SLC4A4: variants seen among roughly 807,000 people sequenced by gnomAD.
SLC4A4 encodes the protein solute carrier family 4 member 4.
SLC4A4 carries 27 observed loss-of-function variants against 111.5 expected under a neutral mutation model. The ratio of observed to expected loss-of-function variants is 0.24; its 90% confidence interval spans 0.18 to 0.33. SLC4A4 has a LOEUF of 0.33. Ranked by LOEUF, SLC4A4 falls within the 10% of genes least tolerant of loss-of-function variation. The pLI is 1.00. For synonymous variants in SLC4A4, 443 were observed against 463.4 expected, an observed-to-expected ratio of 0.96 and a Z score of 0.57; for missense variants, 909 against 1,315.5, an observed-to-expected ratio of 0.69 and a Z score of 4.78.
At chr4:71,225,429 C>A (rs1001516455) in intron 1 of SLC4A4, among the ~76,000 whole-genome samples, 4 of 152,000 alleles carry the variant, frequency 2.6e-5, no homozygotes, top group Non-Finnish European at 4.4e-5. Flanking sequence ...TTAGCTAGAA[C>A]CTTCAGTTCT....
intron 14 of SLC4A4, among the ~76,000 whole-genome samples, chr4:71,475,268 C>T (rs552039363): frequency 8.4e-4 from 128 of 151,838 alleles, no homozygotes; most frequent in African/African-American, 2.9e-3. Flanking sequence ...CTACCTGAGG[C>T]GAATGGAAAC....
chr4:71,274,179 T>G (rs1196331561), intron 3 of SLC4A4, among the ~76,000 whole-genome samples: 1 of 152,186 alleles, frequency 6.6e-6, no homozygotes, highest in African/African-American at 2.4e-5. Context: ...TAAAATGTCA[T>G]TAAGAGAATC....
chr4:71,500,670 T>A (rs189435337), intron 16 of SLC4A4, among the ~76,000 whole-genome samples: 83 of 152,298 alleles, frequency 5.4e-4, no homozygotes, highest in African/African-American at 2.0e-3. Context: ...GAGGGTCTAA[T>A]TTCATTATTC....
intron 3 of SLC4A4, among the ~76,000 whole-genome samples, chr4:71,272,818 G>T (rs181171870): frequency 6.6e-6 from 1 of 152,220 alleles, no homozygotes; most frequent in Non-Finnish European, 1.5e-5. Context: ...TGGGGTCTCT[G>T]AGGAACCTAC....
chr4:71,145,062 C>T (rs1193514124), intron 2 of SLC4A4, among the ~76,000 whole-genome samples: 1 of 152,138 alleles, frequency 6.6e-6, no homozygotes, highest in African/African-American at 2.4e-5. Flanking sequence ...TTTGTCCATT[C>T]AGTATGATAT....
At chr4:71,099,128 C>A (rs1211281421) in intron 2 of SLC4A4, among the ~76,000 whole-genome samples, 3 of 152,122 alleles carry the variant, frequency 2.0e-5, no homozygotes, top group Non-Finnish European at 2.9e-5. Flanking sequence ...CTCTACAGAA[C>A]TCTCCACCCC....
chr4:71,529,505 G>C (rs982992369), intron 16 of SLC4A4, among the ~76,000 whole-genome samples: 22 of 152,042 alleles, frequency 1.4e-4, no homozygotes, highest in African/African-American at 5.3e-4. Context: ...CAGTGATGAG[G>C]TTCAGTTTGC....
intron 1 of SLC4A4, among the ~76,000 whole-genome samples, chr4:71,067,466 G>A (rs1040151928): frequency 6.6e-6 from 1 of 152,054 alleles, no homozygotes; most frequent in African/African-American, 2.4e-5. Context: ...ATTTTGTTCT[G>A]CACTGTGCTG....
intron 1 of SLC4A4, among the ~76,000 whole-genome samples, chr4:71,227,593 G>A (rs556854369): frequency 2.6e-5 from 4 of 152,152 alleles, no homozygotes; most frequent in Non-Finnish European, 4.4e-5. Flanking sequence ...GTCCTGTGGG[G>A]TATCATCCCT....
At chr4:71,299,677 G>A (rs1200704585) in intron 3 of SLC4A4, among the ~76,000 whole-genome samples, 1 of 152,222 alleles carries the variant, frequency 6.6e-6, no homozygotes, top group East Asian at 1.9e-4. Context: ...TTGTGGAGAG[G>A]GCAGGGGGCA....
intron 2 of SLC4A4, among the ~76,000 whole-genome samples, chr4:71,169,374 A>G (rs1425267735): frequency 2.6e-5 from 4 of 151,932 alleles, no homozygotes; most frequent in African/African-American, 7.3e-5. Context: ...ATACTAATTT[A>G]TATTACATAA....
Position 71,085,491 on chromosome 4 carries a change from A to C in SLC4A4, c.-64-7239A>C, listed in dbSNP as rs369152958. On this transcript the variant is annotated intron_variant, in intron 1 of 26. Coordinates refer to the SLC4A4 transcript ENST00000649996. ...ATGAAGTCCTTGCCCATGCCTATGT[A>C]CTGAATGGTATTGCCTAGGTTTTCT... is the stretch of plus-strand genomic sequence containing the variant. Among the ~76,000 whole-genome samples, 144 of 152,038 alleles carry C rather than the reference A, an allele frequency of 9.5e-4. 3 individuals are homozygous for C. Among genetic ancestry groups the C allele is most frequent in the African/African-American group, 3.0e-3 (124 of 41,354 alleles).
chr4:71,156,172 C>T (rs560612464), intron 2 of SLC4A4, among the ~76,000 whole-genome samples: 5 of 152,266 alleles, frequency 3.3e-5, no homozygotes, highest in Middle Eastern at 3.4e-3. Flanking sequence ...CACAGGGTGC[C>T]GCCAAGGAGG....
At chr4:71,531,752 C>A (rs914784956) in intron 16 of SLC4A4, among the ~76,000 whole-genome samples, 1 of 84,484 alleles carries the variant, frequency 1.2e-5, no homozygotes, top group Non-Finnish European at 2.3e-5. Flanking sequence ...GCCCTCCCTG[C>A]CTACACACAC....
At chr4:71,294,774 T>G (rs1264751223) in intron 3 of SLC4A4, among the ~76,000 whole-genome samples, 2 of 152,266 alleles carry the variant, frequency 1.3e-5, no homozygotes, top group East Asian at 3.8e-4. Flanking sequence ...TCGGACTTGC[T>G]GCTTCAAAAG....
chr4:71,343,552 A>G (rs1578879033), intron 4 of SLC4A4, among the ~76,000 whole-genome samples: 1 of 152,208 alleles, frequency 6.6e-6, no homozygotes, highest in East Asian at 1.9e-4. Flanking sequence ...TGAGCCAGAA[A>G]CATTGGAGTC....
intron 10 of SLC4A4, 118 bp downstream of exon 10, chr4:71,450,661 C>A: frequency 1.0e-6 from 1 of 975,396 alleles, no homozygotes; most frequent in Non-Finnish European, 1.6e-6. Context: ...TCCTGTTTAA[C>A]TTGATGTATT....
intron 1 of SLC4A4, among the ~76,000 whole-genome samples, chr4:71,233,017 A>T (rs1249537296): frequency 6.6e-6 from 1 of 152,214 alleles, no homozygotes; most frequent in South Asian, 2.1e-4. Flanking sequence ...TGTGCTTCTG[A>T]GGTCTTTTAA....
chr4:71,347,671 A>AACT (rs1339745231), intron 4 of SLC4A4, among the ~76,000 whole-genome samples: 25 of 152,304 alleles, frequency 1.6e-4, no homozygotes, highest in Non-Finnish European at 2.6e-4. Flanking sequence ...GGCAGAAAAG[A>AACT]ACTACTGTAT....
Sources: allele counts gnomAD v4.1 joint callset (sites outside exome capture counted in the v4.1 genomes callset), GRCh38; gene constraint gnomAD v4.1.1; transcripts MANE v1.5; gene names NCBI Gene and HGNC (gene_info 2026-07-23, HGNC 2026-07-21).